SORBS2: variants seen among roughly 807,000 people sequenced by gnomAD.
SORBS2 encodes the protein sorbin and SH3 domain-containing protein 2.
In SORBS2, 46 loss-of-function variants were observed where a neutral mutation model predicts 97.7. The observed-to-expected ratio is 0.47, with a 90% CI of 0.37 to 0.60. SORBS2 has a LOEUF of 0.60. Ranked by LOEUF, SORBS2 falls within the 20% of genes least tolerant of loss-of-function variation. The pLI is 0.00. For missense variants in SORBS2, 1,316 were observed against 1,282.3 expected, an observed-to-expected ratio of 1.03 and a Z score of -0.40; for synonymous variants, 476 against 473.4, an observed-to-expected ratio of 1.01 and a Z score of -0.07.
At chr4:185,690,513 A>G in intron 2 of SORBS2, 49 bp downstream of exon 4, 1 of 1,342,074 alleles carries the variant, frequency 7.5e-7, no homozygotes, top group South Asian at 1.4e-5. Flanking sequence ...GGCCAACATG[A>G]TTTTTAGAGA....
At chr4:185,624,211 C>T (rs751314536) in exon 7 of SORBS2, 15 of 1,614,092 alleles carry the variant, frequency 9.3e-6, no homozygotes, top group Middle Eastern at 1.6e-4. Flanking sequence ...CCATGCTTTC[C>T]GACTTGACTT....
intron 1 of SORBS2, among the ~76,000 whole-genome samples, chr4:185,905,164 A>G (rs1394226823): frequency 6.6e-6 from 1 of 152,156 alleles, no homozygotes; most frequent in Non-Finnish European, 1.5e-5. Flanking sequence ...CATCTGAAGT[A>G]GTCTGTCTTA....
In SORBS2 at chr4:185,706,333, C is replaced by T. The variant is rs59591236; in HGVS notation, c.-197-27511G>A. Among the ~76,000 whole-genome samples, 555 of 152,296 alleles carry T rather than the reference C, an allele frequency of 3.6e-3. 3 individuals carry two copies. Among genetic ancestry groups the T allele is most frequent in the African/African-American group, 0.013 (532 of 41,546 alleles). ...TATATCTTACCACTTCATATCCCAACCAAAATCAGATCCACAAACAGCAAG... is the reference window on the plus strand; with the variant it reads ...TATATCTTACCACTTCATATCCCAATCAAAATCAGATCCACAAACAGCAAG... On this transcript the variant is annotated intron_variant, in intron 2 of 20. Transcript: ENST00000284776.
At chr4:185,744,050 T>C (rs2098744955) in intron 2 of SORBS2, among the ~76,000 whole-genome samples, 1 of 134,180 alleles carries the variant, frequency 7.5e-6, no homozygotes, top group Non-Finnish European at 1.6e-5. Context: ...CTTCCCCTTC[T>C]TCCTCCTTCT....
At chr4:185,638,987 T>TCCGG in intron 4 of SORBS2, 1 of 1,523,120 alleles carries the variant, frequency 6.6e-7, no homozygotes, top group Non-Finnish European at 8.8e-7. Flanking sequence ...GAAAGAGGCT[T>TCCGG]CCGGCCAGGT....
At chr4:185,692,024 A>T (rs1282273705) in intron 2 of SORBS2, among the ~76,000 whole-genome samples, 1 of 152,202 alleles carries the variant, frequency 6.6e-6, no homozygotes, top group African/African-American at 2.4e-5. Context: ...AAGGTTTTAA[A>T]TATTGTGTAT....
chr4:185,627,466 C>A (rs921536449), intron 5 of SORBS2, among the ~76,000 whole-genome samples: 1 of 152,192 alleles, frequency 6.6e-6, no homozygotes. Flanking sequence ...AATCCTCAAG[C>A]CTCAGTCTCC....
chr4:185,775,130 T>C (rs753462963), intron 2 of SORBS2, 97 bp downstream of exon 2: 1 of 152,546 alleles, frequency 6.6e-6, no homozygotes, highest in Non-Finnish European at 1.5e-5. Flanking sequence ...TGTTCACAAC[T>C]CCCCTTATTA....
chr4:185,793,789 T>C (rs973230407), intron 1 of SORBS2, among the ~76,000 whole-genome samples: 9 of 152,172 alleles, frequency 5.9e-5, no homozygotes, highest in Non-Finnish European at 8.8e-5. Context: ...TTTGCACAAA[T>C]TACTTCATAT....
At chr4:185,723,107 A>G (rs2098528552) in intron 2 of SORBS2, among the ~76,000 whole-genome samples, 2 of 152,014 alleles carry the variant, frequency 1.3e-5, no homozygotes, top group Admixed American at 1.3e-4. Context: ...TTAGTAAATT[A>G]ATTTATAAAA....
intron 2 of SORBS2, among the ~76,000 whole-genome samples, chr4:185,735,226 T>C (rs1449739528): frequency 6.6e-6 from 1 of 152,258 alleles, no homozygotes; most frequent in East Asian, 1.9e-4. Context: ...CATGAGACAG[T>C]TGCCTAATCA....
intron 1 of SORBS2, among the ~76,000 whole-genome samples, chr4:185,654,807 C>T (rs373686955): frequency 4.2e-5 from 5 of 117,884 alleles, no homozygotes; most frequent in Non-Finnish European, 1.1e-4. Context: ...TTCACTATGC[C>T]GTTTTTTCTA....
chr4:185,907,300 C>T (rs958281602), intron 1 of SORBS2, among the ~76,000 whole-genome samples: 2 of 152,252 alleles, frequency 1.3e-5, no homozygotes, highest in Non-Finnish European at 2.9e-5. Context: ...TAAATGTTTT[C>T]GCTGGGTTAC....
chr4:185,797,163 G>C (rs896803358), intron 1 of SORBS2, among the ~76,000 whole-genome samples: 5 of 152,196 alleles, frequency 3.3e-5, no homozygotes, highest in African/African-American at 1.2e-4. Context: ...GAGTAGAGCT[G>C]TCTGTGCCGA....
chr4:185,888,416 G>T (rs2099240785), intron 1 of SORBS2, among the ~76,000 whole-genome samples: 2 of 152,116 alleles, frequency 1.3e-5, no homozygotes, highest in East Asian at 1.9e-4. Flanking sequence ...AAGGCATGCT[G>T]GTAGCCACCA....
chr4:185,915,235 A>G (rs2099257462), intron 1 of SORBS2, among the ~76,000 whole-genome samples: 1 of 152,214 alleles, frequency 6.6e-6, no homozygotes, highest in Non-Finnish European at 1.5e-5. Context: ...AATGGAACTG[A>G]ATGGAGCATT....
chr4:185,885,662 T>C (rs2099239025), intron 1 of SORBS2, among the ~76,000 whole-genome samples: 1 of 152,238 alleles, frequency 6.6e-6, no homozygotes, highest in Non-Finnish European at 1.5e-5. Context: ...TCAAAGTGTT[T>C]AGGCAAGAAT....
At chr4:185,822,632 AT>A (rs796331716) in intron 1 of SORBS2, among the ~76,000 whole-genome samples, 40 of 152,362 alleles carry the variant, frequency 2.6e-4, no homozygotes, top group African/African-American at 9.4e-4. Context: ...AACTAAGTAG[AT>A]TGTGGCACAG....
chr4:185,637,670 C>T (rs571078943), intron 4 of SORBS2, among the ~76,000 whole-genome samples: 4 of 152,220 alleles, frequency 2.6e-5, no homozygotes, highest in African/African-American at 9.6e-5. Flanking sequence ...AAGACAGAAG[C>T]CCGCACTCTC....
Sources: gnomAD v4.1 joint callset for allele counts (sites outside exome capture counted in the v4.1 genomes callset) on GRCh38, gnomAD v4.1.1 for gene constraint, MANE v1.5 for transcripts, NCBI Gene and HGNC (gene_info 2026-07-23, HGNC 2026-07-21) for gene names.